The following PCSK1 variants were observed in gnomAD, a reference collection of about 807,000 sequenced individuals.
The protein encoded by PCSK1 is proprotein convertase subtilisin/kexin type 1.
Under a neutral mutation model 90.6 loss-of-function variants are expected in PCSK1, and 56 were observed. The ratio of observed to expected loss-of-function variants is 0.62; its 90% confidence interval spans 0.50 to 0.77. The LOEUF is 0.77. Among genes scored for constraint, PCSK1 ranks in the 30% least tolerant of loss-of-function variants. The probability of loss-of-function intolerance (pLI) is 0.00; values close to 1 mark genes in which losing one functional copy is unlikely to be tolerated. For synonymous variants in PCSK1, 348 were observed against 342.4 expected, an observed-to-expected ratio of 1.02 and a Z score of -0.18; for missense variants, 801 against 932.6, an observed-to-expected ratio of 0.86 and a Z score of 1.84.
In PCSK1 at chr5:96,433,022, A is replaced by G; in HGVS notation, c.21T>C (p.Ser7=). 1.2e-6 allele frequency: 2 copies of G among 1,614,064 alleles called. No homozygotes were observed. The highest frequency in any genetic ancestry group is 1.7e-6 in the Non-Finnish European group (2 of 1,179,958). Residue 7 remains serine (S), a synonymous_variant, in exon 1 of 14, where the codon AGT becomes AGC. Transcript: ENST00000311106. MERRAW[S]LQCTAFVLFC... ...AGAGGACGAAAGCAGTGCACTGCAG[A>G]CTCCAGGCTCTTCGCTCCATAGCTC...
Position 96,398,902 on chromosome 5 carries a change from T to C in PCSK1, c.1565A>G (p.His522Arg). The C allele has an allele frequency of 1.9e-6, 3 of 1,613,800 alleles. No homozygotes were observed. Among genetic ancestry groups the C allele is most frequent in the Non-Finnish European group, 2.5e-6 (3 of 1,179,686 alleles). The change falls in exon 11 of 14, where the codon CAT (histidine) becomes CGT (arginine). Residue 522 changes from histidine (H) to arginine (R), a missense_variant. Coordinates refer to ENST00000311106, the MANE Select transcript of PCSK1 (RefSeq NM_000439.5). ...TIEYSRRGDL[H>R]VTLTSAAGTS... ...ACCAGCAGCAGAAGTAAGTGTGACATGAAGGTCTCCTCTTCGGGAATATTC... is the reference window on the plus strand; with the variant it reads ...ACCAGCAGCAGAAGTAAGTGTGACACGAAGGTCTCCTCTTCGGGAATATTC...
chr5:96,394,752 C>T (rs1424032898), intron 13 of PCSK1, 112 bp downstream of exon 13: 2 of 902,422 alleles, frequency 2.2e-6, no homozygotes, highest in East Asian at 2.4e-5. Flanking sequence ...ACTTCTTATC[C>T]TCCCCATCCA....
chr5:96,397,614 A>C, intron 11 of PCSK1, 145 bp from the exon 12 acceptor site: 2 of 706,158 alleles, frequency 2.8e-6, no homozygotes, highest in Non-Finnish European at 4.9e-6. Context: ...AGAGACACTC[A>C]CAAGGAAAAA....
At chr5:96,418,604 T>C (rs1230320875) in intron 5 of PCSK1, among the ~76,000 whole-genome samples, 1 of 152,212 alleles carries the variant, frequency 6.6e-6, no homozygotes, top group Admixed American at 6.5e-5. Context: ...GCAATACTGA[T>C]AGTTTGAAGA....
At chr5:96,414,450 G>A (rs1198363008) in intron 6 of PCSK1, among the ~76,000 whole-genome samples, 1 of 152,188 alleles carries the variant, frequency 6.6e-6, no homozygotes, top group African/African-American at 2.4e-5. Context: ...GCCAGAATTT[G>A]AACCCTACAA....
At position 96,392,118 on chromosome 5, in the gene PCSK1, T is replaced by C. The variant is rs746184318; in HGVS notation, c.*883A>G. 1 of 152,214 alleles carries C rather than the reference T, an allele frequency of 6.6e-6. No homozygotes were observed. Among genetic ancestry groups the C allele is most frequent in the Non-Finnish European group, 1.5e-5 (1 of 68,034 alleles). The allele number at this position is 152,214 out of a possible 1,614,324, so 9.4% of individuals were successfully genotyped here. On this transcript the variant is annotated 3_prime_UTR_variant, in exon 14 of 14. Coordinates refer to ENST00000311106, the MANE Select transcript of PCSK1 (RefSeq NM_000439.5). ...ATTAGGTCTCCATGTGATAAGTGGTTTCCTGTTACTGCTGAAAAAAATTGT... is the reference window on the plus strand; with the variant it reads ...ATTAGGTCTCCATGTGATAAGTGGTCTCCTGTTACTGCTGAAAAAAATTGT...
intron 6 of PCSK1, among the ~76,000 whole-genome samples, chr5:96,412,752 GTT>G (rs57397343): frequency 2.1e-4 from 15 of 71,802 alleles, no homozygotes; most frequent in African/African-American, 3.6e-4. Flanking sequence ...CAGCTGTGAT[GTT>G]TTTTTTTTTT....
intron 5 of PCSK1, among the ~76,000 whole-genome samples, chr5:96,419,818 T>C (rs1000103292): frequency 2.6e-4 from 40 of 152,232 alleles, no homozygotes; most frequent in African/African-American, 9.4e-4. Flanking sequence ...ACAACTATTA[T>C]AAATGCTGTG....
chr5:96,411,030 G>T (rs1435436287), intron 7 of PCSK1, 44 bp from the exon 8 acceptor site: 1 of 1,377,988 alleles, frequency 7.3e-7, no homozygotes, highest in South Asian at 1.2e-5. Flanking sequence ...ATCATCTATT[G>T]GGGTCATTGT....
chr5:96,425,623 ATC>A lies in PCSK1; in HGVS notation c.396+195_396+196del, dbSNP rs967720877. Reference sequence around the variant, plus strand: ...TATTTTTTTCACAGCAGCTAAAGATATCTGTTTCCAACATCCTTACTCAGCAA... The same window carrying A: ...TATTTTTTTCACAGCAGCTAAAGATATGTTTCCAACATCCTTACTCAGCAA... On this transcript the variant is annotated intron_variant, in intron 3 of 13. Transcript: ENST00000311106. 4.6e-5 allele frequency among the ~76,000 whole-genome samples: 7 copies of A among 152,164 alleles called. 1 individual carries two copies. The highest frequency in any genetic ancestry group is 4.1e-4 in the South Asian group (2 of 4,834).
intron 7 of PCSK1, among the ~76,000 whole-genome samples, chr5:96,411,637 G>A (rs2112421010): frequency 6.6e-6 from 1 of 152,312 alleles, no homozygotes; most frequent in East Asian, 1.9e-4. Context: ...TATTTGAAAA[G>A]CATTTCCGCG....
intron 12 of PCSK1, among the ~76,000 whole-genome samples, chr5:96,395,745 C>A (rs1760116799): frequency 6.6e-6 from 1 of 152,064 alleles, no homozygotes; most frequent in Non-Finnish European, 1.5e-5. Flanking sequence ...ACCTATGTAA[C>A]AAACCTGCAC....
chr5:96,429,026 A>G (rs1292759908), intron 2 of PCSK1, among the ~76,000 whole-genome samples, 187 bp downstream of exon 2: 1 of 152,144 alleles, frequency 6.6e-6, no homozygotes, highest in Non-Finnish European at 1.5e-5. Flanking sequence ...AACCAATTCA[A>G]CCCAATCTTG....
intron 4 of PCSK1, among the ~76,000 whole-genome samples, chr5:96,422,493 G>A (rs966990598): frequency 1.3e-5 from 2 of 152,042 alleles, no homozygotes; most frequent in African/African-American, 4.8e-5. Context: ...AAGCTTCCAG[G>A]CTCCACTCCC....
At chr5:96,397,204 AC>A (rs1760182842) in intron 12 of PCSK1, 131 bp downstream of exon 12, 2 of 783,886 alleles carry the variant, frequency 2.6e-6, no homozygotes, top group Non-Finnish European at 4.4e-6. Context: ...GAAACACTCT[AC>A]TTTTCCCTTA....
intron 9 of PCSK1, 61 bp from the exon 10 acceptor site, chr5:96,400,247 A>G: frequency 8.8e-7 from 1 of 1,134,068 alleles, no homozygotes; most frequent in Non-Finnish European, 1.3e-6. Context: ...TGCAAAAGCA[A>G]GTGCTAACAA....
intron 5 of PCSK1, among the ~76,000 whole-genome samples, chr5:96,417,103 A>G (rs1237759932): frequency 6.6e-6 from 1 of 152,226 alleles, no homozygotes; most frequent in Non-Finnish European, 1.5e-5. Context: ...GCTCGGAGCA[A>G]TAATGTTGGC....
At chr5:96,409,053 G>C (rs1371673882) in intron 8 of PCSK1, among the ~76,000 whole-genome samples, 2 of 152,202 alleles carry the variant, frequency 1.3e-5, no homozygotes, top group Non-Finnish European at 2.9e-5. Flanking sequence ...ACTTACCCGA[G>C]ATGTTCTCTG....
At chr5:96,413,334 A>G (rs529394125) in intron 6 of PCSK1, among the ~76,000 whole-genome samples, 1 of 152,310 alleles carries the variant, frequency 6.6e-6, no homozygotes, top group African/African-American at 2.4e-5. Flanking sequence ...GAAGGCAAAA[A>G]CAATCTGGAC....
Sources: allele counts gnomAD v4.1 joint callset (sites outside exome capture counted in the v4.1 genomes callset), GRCh38; gene constraint gnomAD v4.1.1; transcripts MANE v1.5; gene names NCBI Gene and HGNC (gene_info 2026-07-23, HGNC 2026-07-21).